Variants in TRMT61B observed in about 807,000 individuals in gnomAD.
The protein encoded by TRMT61B is tRNA (adenine(58)-N(1))-methyltransferase, mitochondrial.
In TRMT61B, 56 loss-of-function variants were observed where a neutral mutation model predicts 52.0. That is an observed-to-expected ratio of 1.08 (90% confidence interval 0.87 to 1.35). The LOEUF (loss-of-function observed/expected upper bound fraction) is 1.35. TRMT61B is among the 40% of genes most tolerant of loss of function. The probability of loss-of-function intolerance (pLI) is 0.00; values close to 1 mark genes in which losing one functional copy is unlikely to be tolerated. For synonymous variants in TRMT61B, 206 were observed against 220.0 expected (o/e 0.94, Z 0.56); for missense variants, 650 against 577.9 (o/e 1.12, Z -1.28).
rs1669766426 is a variant in TRMT61B at position 28,864,940 on chromosome 2, C to A, written c.802+77G>T. 6 of 869,250 alleles carry A rather than the reference C, an allele frequency of 6.9e-6. No homozygotes were observed. The South Asian group carries it at 7.4e-5, about 11-fold the overall frequency. 53.8% of individuals were successfully genotyped at this position (869,250 alleles called of 1,614,324 possible). ...CAATGTTAGGTATTTTCCCAAATAT[C>A]TTTATACCTTTCTGTTATTATGAAC... is the stretch of plus-strand genomic sequence containing the variant. On this transcript the variant is annotated intron_variant, in intron 2 of 6. Transcript: ENST00000306108.
At chr2:28,864,498 G>A (rs2148146606) in intron 2 of TRMT61B, among the ~76,000 whole-genome samples, 1 of 152,278 alleles carries the variant, frequency 6.6e-6, no homozygotes, top group East Asian at 1.9e-4. Flanking sequence ...CAGATACAAA[G>A]GAGCACATAC....
intron 3 of TRMT61B, among the ~76,000 whole-genome samples, chr2:28,856,285 T>C (rs960418737): frequency 6.6e-6 from 1 of 152,242 alleles, no homozygotes; most frequent in African/African-American, 2.4e-5. Flanking sequence ...AATTAAAGTC[T>C]CACAAATCTA....
At position 28,870,256 on chromosome 2, in the gene TRMT61B, C is replaced by T. The variant is rs771046013; in HGVS notation, c.22G>A (p.Gly8Ser). 1.9e-6 allele frequency: 3 copies of T among 1,596,980 alleles called. No individual in the cohort carries two copies. Among genetic ancestry groups the T allele is most frequent in the Middle Eastern group, 1.7e-4 (1 of 6,000 alleles). Residue 8 changes from glycine (G) to serine (S), a missense_variant, in exon 1 of 7, where the codon GGT becomes AGT. Physicochemically the swap from Gly to Ser is moderately conservative, Grantham distance 56. Coordinates refer to ENST00000306108, the MANE Select transcript of TRMT61B (RefSeq NM_017910.4). Reference protein sequence around the residue: MLMAWCRGPVLLCLRQGL... With the variant: MLMAWCRSPVLLCLRQGL... ...TGCCGCAGGCACAGCAAGACAGGACCGCGGCACCATGCCATTAGCATAGTG... is the reference window on the plus strand; with the variant it reads ...TGCCGCAGGCACAGCAAGACAGGACTGCGGCACCATGCCATTAGCATAGTG...
At chr2:28,869,355 A>C (rs946355072) in intron 1 of TRMT61B, among the ~76,000 whole-genome samples, 25 of 152,218 alleles carry the variant, frequency 1.6e-4, no homozygotes, top group Non-Finnish European at 2.4e-4. Flanking sequence ...TTTACAAATA[A>C]GGGACTCGAG....
chr2:28,867,166 G>C (rs1479616178), intron 1 of TRMT61B, among the ~76,000 whole-genome samples: 1 of 151,834 alleles, frequency 6.6e-6, no homozygotes, highest in Non-Finnish European at 1.5e-5. Context: ...CAAGATCATG[G>C]CTCGCTGCAG....
Position 28,861,259 on chromosome 2 carries a change from ATGG to A in TRMT61B, c.849_851del (p.His284del). 6.2e-7 allele frequency: 1 copy of A among 1,611,470 alleles called. No individual in the cohort carries two copies. The highest frequency in any genetic ancestry group is 8.5e-7 in the Non-Finnish European group (1 of 1,179,312). On this transcript the variant is annotated inframe_deletion, in exon 3 of 7. Transcript: ENST00000306108. Reference sequence around the variant, plus strand: ...GTTTGTAATTCTTCTTAGCCAGATCATGGTGGTCTTTTCGTACCTCAAAACTTA... The same window carrying A: ...GTTTGTAATTCTTCTTAGCCAGATCATGGTCTTTTCGTACCTCAAAACTTA...
At chr2:28,854,780 C>T (rs547638585) in intron 3 of TRMT61B, among the ~76,000 whole-genome samples, 1 of 133,778 alleles carries the variant, frequency 7.5e-6, no homozygotes, top group Non-Finnish European at 1.6e-5. Flanking sequence ...AACTGCCAGG[C>T]GTGGTGGCAT....
chr2:28,859,165 C>T (rs1669487364), intron 3 of TRMT61B, among the ~76,000 whole-genome samples: 1 of 152,102 alleles, frequency 6.6e-6, no homozygotes, highest in African/African-American at 2.4e-5. Context: ...CTGCAAGCTC[C>T]GCCTCCCGGG....
intron 3 of TRMT61B, among the ~76,000 whole-genome samples, chr2:28,855,050 G>A (rs1669283880): frequency 6.6e-6 from 1 of 152,178 alleles, no homozygotes; most frequent in African/African-American, 2.4e-5. Context: ...CCATGAAAAT[G>A]TAGGGGAGAA....
chr2:28,858,872 C>G (rs1279268103), intron 3 of TRMT61B, among the ~76,000 whole-genome samples: 1 of 148,598 alleles, frequency 6.7e-6, no homozygotes, highest in Non-Finnish European at 1.5e-5. Context: ...AAATACACAT[C>G]TATACATACA....
chr2:28,854,708 C>T (rs537390234), intron 3 of TRMT61B, among the ~76,000 whole-genome samples: 14 of 138,596 alleles, frequency 1.0e-4, no homozygotes, highest in Non-Finnish European at 2.0e-4. Context: ...CACTGCATTC[C>T]AGCCTGGGCG....
At chr2:28,863,955 T>C (rs1669719820) in intron 2 of TRMT61B, among the ~76,000 whole-genome samples, 1 of 152,078 alleles carries the variant, frequency 6.6e-6, no homozygotes, top group Non-Finnish European at 1.5e-5. Flanking sequence ...AGAAATTAGG[T>C]AGGCAAAGAG....
At position 28,851,257 on chromosome 2, in the gene TRMT61B, C is replaced by T. The variant is rs1669082507; in HGVS notation, c.1127G>A (p.Cys376Tyr). 6.2e-7 allele frequency: 1 copy of T among 1,613,510 alleles called. No homozygotes were observed. Among genetic ancestry groups the T allele is most frequent in the Admixed American group, 1.7e-5 (1 of 59,938 alleles). Residue 376 changes from cysteine (C) to tyrosine (Y), a missense_variant, in exon 5 of 7, where the codon TGT becomes TAT. Physicochemically the swap from Cys to Tyr is radical, Grantham distance 194 (BLOSUM62 -2). Transcript: ENST00000306108. ...VIELLDGIRT[C>Y]ELALSCEKIS... The stretch of plus-strand genomic sequence containing the variant: ...CTTTTCACATGAAAGAGCAAGTTCA[C>T]AGGTGCGAATTCCATCTAAAAGTTC...
In TRMT61B at chr2:28,865,121, T is replaced by A. The variant is rs568122405; in HGVS notation, c.700-2A>T. 2 of 1,568,246 alleles carry A rather than the reference T, an allele frequency of 1.3e-6. No homozygotes were observed. The highest frequency in any genetic ancestry group is 2.2e-5 in the East Asian group (1 of 44,638). The stretch of plus-strand genomic sequence containing the variant: ...CATTGAGAGAATCATATTAATATCC[T>A]ATGATTGAAAACAGTATGGGTGACT... On this transcript the variant is annotated splice_acceptor_variant, in intron 1 of 6. Coordinates refer to ENST00000306108, the MANE Select transcript of TRMT61B (RefSeq NM_017910.4). LOFTEE classifies it high-confidence loss of function.
intron 1 of TRMT61B, 94 bp downstream of exon 1, chr2:28,869,485 C>T: frequency 1.2e-6 from 1 of 846,400 alleles, no homozygotes; most frequent in Non-Finnish European, 1.8e-6. Flanking sequence ...TCCAAACGTT[C>T]TGAGATGTCT....
rs1165856686 is a variant in TRMT61B at position 28,861,143 on chromosome 2, T to G, written c.968A>C (p.Asp323Ala). The G allele has an allele frequency of 2.1e-5, 34 of 1,606,078 alleles. No homozygotes were observed. Among genetic ancestry groups the G allele is most frequent in the Non-Finnish European group, 2.9e-5 (34 of 1,177,802 alleles). The change falls in exon 3 of 7, where the codon GAC becomes GCC. Residue 323 changes from aspartate (D) to alanine (A), a missense_variant. Transcript: ENST00000306108. ...IHKDISGATE[D>A]IKSLTFDAVA... ...TGCGTCAAATGTTAAAGATTTTATGTCTTCGGTTGCTCCTGAAATGTCCTT... is the reference window on the plus strand; with the variant it reads ...TGCGTCAAATGTTAAAGATTTTATGGCTTCGGTTGCTCCTGAAATGTCCTT...
chr2:28,869,838 C>A lies in TRMT61B; in HGVS notation c.440G>T (p.Arg147Ile). ...RHVSPSCSTS[R>I]ERPFQAGELI... ...TTCCCCAGCCTGAAAGGGTCTCTCT[C>A]TGGAAGTTGAACAAGAAGGGGAGAC... The change falls in exon 1 of 7, where the codon AGA (arginine) becomes ATA (isoleucine). Residue 147 changes from arginine (R) to isoleucine (I), a missense_variant. Coordinates refer to ENST00000306108, the MANE Select transcript of TRMT61B (RefSeq NM_017910.4). 6.2e-7 allele frequency: 1 copy of A among 1,614,200 alleles called. No individual in the cohort carries two copies. Among genetic ancestry groups the A allele is most frequent in the South Asian group, 1.1e-5 (1 of 91,084 alleles).
chr2:28,850,468 C>A, intron 5 of TRMT61B, 63 bp from the exon 6 acceptor site: 1 of 1,128,994 alleles, frequency 8.9e-7, no homozygotes. Flanking sequence ...TTTCACAAAA[C>A]TGTTAAAATA....
intron 3 of TRMT61B, among the ~76,000 whole-genome samples, chr2:28,855,186 A>G (rs1003658655): frequency 1.3e-5 from 2 of 152,192 alleles, no homozygotes; most frequent in African/African-American, 2.4e-5. Flanking sequence ...GTAAGAGATG[A>G]CATCGAAGGT....
Sources: gnomAD v4.1 joint callset for allele counts (sites outside exome capture counted in the v4.1 genomes callset) on GRCh38, gnomAD v4.1.1 for gene constraint, MANE v1.5 for transcripts, NCBI Gene and HGNC (gene_info 2026-07-23, HGNC 2026-07-21) for gene names.